Variants in TENM3 observed in about 807,000 individuals in gnomAD.
TENM3 encodes teneurin-3.
In TENM3, 63 loss-of-function variants were observed where a neutral mutation model predicts 255.1. The ratio of observed to expected loss-of-function variants is 0.25; its 90% confidence interval spans 0.20 to 0.30. The LOEUF (loss-of-function observed/expected upper bound fraction) is 0.30, where lower values mean the gene tolerates loss of function less well. Ranked by LOEUF, TENM3 falls within the 10% of genes least tolerant of loss-of-function variation. The probability of loss-of-function intolerance (pLI) is 1.00; values close to 1 mark genes in which losing one functional copy is unlikely to be tolerated. For missense variants in TENM3, 2,929 were observed against 3,461.1 expected, an observed-to-expected ratio of 0.85 and a Z score of 3.86; for synonymous variants, 1,306 against 1,322.3, an observed-to-expected ratio of 0.99 and a Z score of 0.27.
At chr4:181,923,786 G>A in the TENM3 span, among the ~76,000 whole-genome samples, 7 of 152,102 alleles carry the variant, frequency 4.6e-5, no homozygotes, top group East Asian at 1.9e-4. Flanking sequence ...AAAAGATACC[G>A]CTTCCCAGGA....
chr4:181,668,874 T>C, the TENM3 span, among the ~76,000 whole-genome samples: 1 of 152,172 alleles, frequency 6.6e-6, no homozygotes, highest in Admixed American at 6.5e-5. Flanking sequence ...ACTTTCATAA[T>C]ATCAGAAAGT....
chr4:182,318,907 A>G (rs570634293), intron 1 of TENM3, among the ~76,000 whole-genome samples: 1 of 152,082 alleles, frequency 6.6e-6, no homozygotes, highest in Non-Finnish European at 1.5e-5. Context: ...AGCTAGAACT[A>G]CAGGCATGTG....
the TENM3 span, among the ~76,000 whole-genome samples, chr4:181,639,976 G>C: frequency 6.6e-6 from 1 of 152,166 alleles, no homozygotes; most frequent in Admixed American, 6.6e-5. Flanking sequence ...CATTTATTTT[G>C]TGATGCAGTG....
the TENM3 span, among the ~76,000 whole-genome samples, chr4:181,462,321 C>T: frequency 1.3e-5 from 2 of 152,070 alleles, no homozygotes; most frequent in African/African-American, 4.8e-5. Context: ...CTCCAGAGTC[C>T]TTTCCATTTC....
At position 182,707,584 on chromosome 4, in the gene TENM3, T is replaced by G. The variant is rs1316095484; in HGVS notation, c.2222-6503T>G. Among the ~76,000 whole-genome samples the G allele has an allele frequency of 9.9e-5, 15 of 152,076 alleles. No individual in the cohort carries two copies. In the East Asian group the frequency reaches 2.5e-3, roughly 25 times the overall value. ...GAGATGTGTGAAAAGAATACAGGAG[T>G]AGTCATTTGCTTTGTTGATATTGAA... is the stretch of plus-strand genomic sequence containing the variant. On this transcript the variant is annotated intron_variant, in intron 12 of 27. Coordinates refer to ENST00000511685, the MANE Select transcript of TENM3 (RefSeq NM_001080477.4).
In TENM3 at chr4:182,447,021, T is replaced by G. The variant is rs538571868; in HGVS notation, c.511+100092T>G. 8.5e-5 allele frequency among the ~76,000 whole-genome samples: 13 copies of G among 152,310 alleles called. 1 individual carries two copies. In the South Asian group the frequency reaches 2.7e-3, roughly 32 times the overall value. On this transcript the variant is annotated intron_variant, in intron 3 of 27. Coordinates refer to ENST00000511685, the MANE Select transcript of TENM3 (RefSeq NM_001080477.4). ...CCCAACAACATACCTATTGTTCTAT[T>G]TTTTGACCCAATTTACTAAAGAGAA...
chr4:182,648,330 C>T lies in TENM3; in HGVS notation c.989-5441C>T, dbSNP rs1276412254. On this transcript the variant is annotated intron_variant, in intron 5 of 27. Transcript: ENST00000511685. ...ACAGAGTCTCATTTTGTCACCCAGG[C>T]TGGAGTGCAGTGGCATGATCTTGGC... is the stretch of plus-strand genomic sequence containing the variant. 2.0e-5 allele frequency among the ~76,000 whole-genome samples: 3 copies of T among 150,366 alleles called. No homozygotes were observed. The East Asian group carries it at 5.9e-4, about 30-fold the overall frequency.
the TENM3 span, among the ~76,000 whole-genome samples, chr4:182,102,984 A>G: frequency 6.6e-6 from 1 of 152,222 alleles, no homozygotes; most frequent in Non-Finnish European, 1.5e-5. Flanking sequence ...ATTTAAGGAG[A>G]CAGTATTAAA....
chr4:181,827,184 TG>T, the TENM3 span, among the ~76,000 whole-genome samples: 1 of 152,214 alleles, frequency 6.6e-6, no homozygotes, highest in Non-Finnish European at 1.5e-5. Context: ...TGATTGTGTC[TG>T]TTAGCGCTAA....
rs1393285550 is a variant in TENM3 at position 182,800,327 on chromosome 4, G to T, written c.8076G>T (p.Arg2692=). ...GCGCCAACAACATCCAGTTCCTGCG[G>T]CAGAGCGAGATCGGCAGGAGGTAAC... is the stretch of plus-strand genomic sequence containing the variant. ...ADSANNIQFL[R]QSEIGRR Residue 2692 remains arginine, a synonymous_variant, in exon 28 of 28, where the codon CGG becomes CGT. Transcript: ENST00000511685. 3 of 1,590,072 alleles carry T rather than the reference G, an allele frequency of 1.9e-6. 1 individual carries two copies. In the South Asian group the frequency reaches 3.4e-5, roughly 18 times the overall value.
At chr4:182,786,057 C>T (rs1018720575) in intron 24 of TENM3, among the ~76,000 whole-genome samples, 2 of 152,238 alleles carry the variant, frequency 1.3e-5, no homozygotes, top group Non-Finnish European at 2.9e-5. Flanking sequence ...CATTCTAACT[C>T]ATTCCTCATT....
At chr4:182,088,394 G>T in the TENM3 span, among the ~76,000 whole-genome samples, 1 of 152,116 alleles carries the variant, frequency 6.6e-6, no homozygotes, top group African/African-American at 2.4e-5. Flanking sequence ...GTGTTATCAA[G>T]AGGCAGGAAG....
intron 18 of TENM3, among the ~76,000 whole-genome samples, chr4:182,740,225 AC>A (rs1188778387): frequency 6.6e-6 from 1 of 152,138 alleles, no homozygotes; most frequent in Non-Finnish European, 1.5e-5. Flanking sequence ...TTCAGTTTGC[AC>A]CCCGAATTAA....
the TENM3 span, among the ~76,000 whole-genome samples, chr4:181,959,863 G>C: frequency 4.6e-5 from 7 of 152,230 alleles, no homozygotes; most frequent in South Asian, 1.5e-3. Context: ...ATATAAAATA[G>C]ACATTAAGAA....
At chr4:182,117,159 G>C in the TENM3 span, among the ~76,000 whole-genome samples, 1 of 152,058 alleles carries the variant, frequency 6.6e-6, no homozygotes, top group South Asian at 2.1e-4. Context: ...TTGAGTTTTA[G>C]GTATTCTTTG....
intron 18 of TENM3, among the ~76,000 whole-genome samples, chr4:182,739,397 G>C (rs961359524): frequency 1.3e-5 from 2 of 152,144 alleles, no homozygotes; most frequent in Non-Finnish European, 2.9e-5. Context: ...AGGGTGCTTT[G>C]CTGGAAAAGC....
intron 3 of TENM3, among the ~76,000 whole-genome samples, chr4:182,409,021 A>G (rs978479975): frequency 9.2e-5 from 14 of 152,238 alleles, no homozygotes; most frequent in African/African-American, 2.9e-4. Flanking sequence ...AGAGTTTCAG[A>G]TAACTAAAAA....
the TENM3 span, among the ~76,000 whole-genome samples, chr4:181,641,731 TTA>T: frequency 8.4e-6 from 1 of 119,640 alleles, no homozygotes; most frequent in African/African-American, 3.2e-5. Context: ...GTATAATAAA[TTA>T]TATATATATA....
At chr4:182,611,323 G>T (rs1671654387) in intron 4 of TENM3, among the ~76,000 whole-genome samples, 1 of 120,368 alleles carries the variant, frequency 8.3e-6, no homozygotes, top group South Asian at 2.5e-4. Context: ...TTGAAAGGAT[G>T]AACTAAAACA....
Sources: gnomAD v4.1 joint callset for allele counts (sites outside exome capture counted in the v4.1 genomes callset) on GRCh38, gnomAD v4.1.1 for gene constraint, MANE v1.5 for transcripts, NCBI Gene and HGNC (gene_info 2026-07-23, HGNC 2026-07-21) for gene names.